CYS1: variants seen among roughly 807,000 people sequenced by gnomAD.
CYS1 encodes the protein cystin 1.
In CYS1, 5 loss-of-function variants were observed where a neutral mutation model predicts 9.6. That is an observed-to-expected ratio of 0.52 (90% confidence interval 0.27 to 1.10). CYS1 has a LOEUF of 1.10. Among genes scored for constraint, CYS1 ranks in the 50% least tolerant of loss-of-function variants. The pLI is 0.11. For synonymous variants in CYS1, 88 were observed against 95.7 expected, an observed-to-expected ratio of 0.92 and a Z score of 0.47; for missense variants, 221 against 207.9, an observed-to-expected ratio of 1.06 and a Z score of -0.39.
In CYS1 at chr2:10,065,905, CAG is replaced by C. The variant is rs768553125; in HGVS notation, c.368_369del (p.Ser123Ter). The C allele has an allele frequency of 9.9e-6, 16 of 1,614,108 alleles. No individual in the cohort carries two copies. The highest frequency in any genetic ancestry group is 1.1e-5 in the Non-Finnish European group (13 of 1,180,054). ...GAGATGTGCCTCCCTGGTACTTACT[CAG>C]AGACATTGCCGCTCCCCGGGTGGCC... is the stretch of plus-strand genomic sequence containing the variant. ...TEGHPGSGNV[S>X]EAPGSGRKKP... On this transcript the variant is annotated frameshift_variant and splice_region_variant, in exon 2 of 3. Transcript: ENST00000381813. LOFTEE classifies it low-confidence loss of function (END_TRUNC).
intron 1 of CYS1, among the ~76,000 whole-genome samples, chr2:10,078,981 G>A (rs1442736694): frequency 6.6e-6 from 1 of 152,186 alleles, no homozygotes; most frequent in Admixed American, 6.5e-5. Context: ...AAATTTCTCA[G>A]CTATTTGTCC....
intron 2 of CYS1, among the ~76,000 whole-genome samples, chr2:10,060,420 G>A (rs1661610739): frequency 6.6e-6 from 1 of 152,180 alleles, no homozygotes; most frequent in Non-Finnish European, 1.5e-5. Flanking sequence ...CAGGGCAAGA[G>A]CTGGGCTCCT....
rs1239567440 is a variant in CYS1, at chr2:10,080,223, TG to T, written c.-1del. The stretch of plus-strand genomic sequence containing the variant: ...CTGCTCCGGCTGCTGCCGCTGCCCA[TG>T]GCGCGCCCGCCGCCTCCCGGACCGC... On this transcript the variant is annotated 5_prime_UTR_variant, in exon 1 of 3. Coordinates refer to ENST00000381813, the MANE Select transcript of CYS1 (RefSeq NM_001037160.3). The surrounding 1 kb of genome is among the most constrained non-coding windows in gnomAD (Gnocchi z 6.4). The T allele has an allele frequency of 9.7e-7, 1 of 1,034,994 alleles. No individual in the cohort carries two copies. The highest frequency in any genetic ancestry group is 1.8e-5 in the African/African-American group (1 of 57,088). 64.1% of individuals were successfully genotyped at this position (1,034,994 alleles called of 1,614,324 possible).
intron 1 of CYS1, among the ~76,000 whole-genome samples, chr2:10,068,589 G>C (rs918462395): frequency 6.0e-5 from 9 of 149,656 alleles, no homozygotes; most frequent in Non-Finnish European, 1.0e-4. Flanking sequence ...CCTGGGTTGA[G>C]CTTACAACTT....
At chr2:10,069,091 T>A (rs1051256472) in intron 1 of CYS1, among the ~76,000 whole-genome samples, 1 of 151,434 alleles carries the variant, frequency 6.6e-6, no homozygotes, top group African/African-American at 2.4e-5. Context: ...TTTTAAAAAA[T>A]AAATAAAAGT....
rs1661560741 is a variant in CYS1 at position 10,057,048 on chromosome 2, T to C, written c.*1805A>G. ...GATCTCATTAAGGGTATTACACCTT[T>C]TCCACCAGAAAATGCAGAGGTATCA... On this transcript the variant is annotated 3_prime_UTR_variant, in exon 3 of 3. Coordinates refer to ENST00000381813, the MANE Select transcript of CYS1 (RefSeq NM_001037160.3). 1 of 152,238 alleles carries C rather than the reference T, an allele frequency of 6.6e-6. No individual in the cohort carries two copies. Among genetic ancestry groups the C allele is most frequent in the Non-Finnish European group, 1.5e-5 (1 of 68,046 alleles). The allele number at this position is 152,238 out of a possible 1,614,324, so 9.4% of individuals were successfully genotyped here.
Position 10,072,023 on chromosome 2 carries a change from C to A in CYS1, c.319-6067G>T, listed in dbSNP as rs539314292. 2.0e-5 allele frequency among the ~76,000 whole-genome samples: 3 copies of A among 151,980 alleles called. No homozygotes were observed. In the South Asian group the frequency reaches 6.2e-4, roughly 32 times the overall value. ...CATATGAGAATGAAGCGAATAAGAT[C>A]ATCTCTTAAAGTTTTTGACTCTTAA... is the stretch of plus-strand genomic sequence containing the variant. On this transcript the variant is annotated intron_variant, in intron 1 of 2. Transcript: ENST00000381813.
intron 1 of CYS1, among the ~76,000 whole-genome samples, chr2:10,069,202 ATGGCTGCAAAGGTATAAGGGAAAGC>A (rs1178368028): frequency 1.1e-4 from 17 of 152,360 alleles, no homozygotes; most frequent in African/African-American, 3.8e-4. Context: ...CACTGTTATA[ATGGCTGCAAAGGTATAAGGGAAAGC>A]TATTTTGAAC....
chr2:10,059,196 G>C (rs1661593015), intron 2 of CYS1, among the ~76,000 whole-genome samples: 2 of 152,244 alleles, frequency 1.3e-5, no homozygotes, highest in African/African-American at 4.8e-5. Flanking sequence ...CACCTGCCCT[G>C]GTTGAGGGAG....
Position 10,080,019 on chromosome 2 carries a change from C to T in CYS1, c.205G>A (p.Glu69Lys). ...SPVAPPDGRDETLRLLDELLA... is the reference protein window; with the variant it reads ...SPVAPPDGRDKTLRLLDELLA... ...AGCTCGTCCAGCAGGCGCAGCGTCT[C>T]GTCCCTGCCGTCGGGGGGCGCCACG... The change falls in exon 1 of 3, where the codon GAG becomes AAG. Residue 69 changes from glutamate to lysine, a missense_variant. Physicochemically the swap from Glu to Lys is moderately conservative, Grantham distance 56. Transcript: ENST00000381813. The surrounding 1 kb of genome is among the most constrained non-coding windows in gnomAD (Gnocchi z 6.4). 1.0e-5 allele frequency: 11 copies of T among 1,073,392 alleles called. No individual in the cohort carries two copies. Among genetic ancestry groups the T allele is most frequent in the Non-Finnish European group, 1.2e-5 (11 of 887,604 alleles). 66.5% of individuals were successfully genotyped at this position (1,073,392 alleles called of 1,614,324 possible).
chr2:10,072,962 G>A (rs978385053), intron 1 of CYS1, among the ~76,000 whole-genome samples: 2 of 150,824 alleles, frequency 1.3e-5, no homozygotes. Flanking sequence ...GGGGAGCAGT[G>A]CAGATGTGTG....
At chr2:10,073,386 G>A (rs553393522) in intron 1 of CYS1, among the ~76,000 whole-genome samples, 9 of 152,296 alleles carry the variant, frequency 5.9e-5, no homozygotes, top group South Asian at 2.1e-4. Flanking sequence ...TGTGGATTGC[G>A]GTTGGCCTGA....
At chr2:10,064,349 G>A (rs983488165) in intron 2 of CYS1, among the ~76,000 whole-genome samples, 3 of 152,234 alleles carry the variant, frequency 2.0e-5, no homozygotes, top group African/African-American at 7.2e-5. Context: ...GTAGAAGTCA[G>A]AAGAAGTAAT....
At chr2:10,060,113 C>T (rs943798915) in intron 2 of CYS1, among the ~76,000 whole-genome samples, 12 of 152,208 alleles carry the variant, frequency 7.9e-5, no homozygotes, top group Non-Finnish European at 1.5e-4. Context: ...GATGCTGCCT[C>T]GGAAGGGGGT....
chr2:10,062,530 A>G (rs1323625568), intron 2 of CYS1, among the ~76,000 whole-genome samples: 4 of 151,820 alleles, frequency 2.6e-5, no homozygotes, highest in Non-Finnish European at 5.9e-5. Context: ...CCTCCCAAGT[A>G]CCTGGGAATA....
At chr2:10,061,900 C>G (rs1365176293) in intron 2 of CYS1, among the ~76,000 whole-genome samples, 1 of 152,178 alleles carries the variant, frequency 6.6e-6, no homozygotes. Context: ...AAAATTGATC[C>G]TAAAGGGATT....
chr2:10,058,777 T>G lies in CYS1; in HGVS notation c.*76A>C. 7.6e-7 allele frequency: 1 copy of G among 1,315,794 alleles called. No individual in the cohort carries two copies. Among genetic ancestry groups the G allele is most frequent in the East Asian group, 2.6e-5 (1 of 39,196 alleles). The allele number at this position is 1,315,794 out of a possible 1,614,324, so 81.5% of individuals were successfully genotyped here. On this transcript the variant is annotated 3_prime_UTR_variant, in exon 3 of 3. Coordinates refer to ENST00000381813, the MANE Select transcript of CYS1 (RefSeq NM_001037160.3). Reference sequence around the variant, plus strand: ...GTTTTGGAGGTGGTTCAGCTCCTGCTAGAGCTCTGTGCAAGCAGAGGGTGC... The same window carrying G: ...GTTTTGGAGGTGGTTCAGCTCCTGCGAGAGCTCTGTGCAAGCAGAGGGTGC...
chr2:10,073,782 C>T (rs573229132), intron 1 of CYS1, among the ~76,000 whole-genome samples: 1 of 152,230 alleles, frequency 6.6e-6, no homozygotes, highest in Admixed American at 6.5e-5. Context: ...GTGCATGAGC[C>T]GACATCCTCC....
chr2:10,073,655 T>C (rs1394001012), intron 1 of CYS1, among the ~76,000 whole-genome samples: 3 of 152,194 alleles, frequency 2.0e-5, no homozygotes, highest in African/African-American at 7.2e-5. Flanking sequence ...GAAGGGCCTG[T>C]GTTGTGCACA....
Sources: gnomAD v4.1 joint callset for allele counts (sites outside exome capture counted in the v4.1 genomes callset) on GRCh38, gnomAD v4.1.1 for gene constraint, Gnocchi (gnomAD v3.1) non-coding constraint, MANE v1.5 for transcripts, NCBI Gene and HGNC (gene_info 2026-07-23, HGNC 2026-07-21) for gene names.